The following FEZ2 variants were observed in gnomAD, a reference collection of about 807,000 sequenced individuals.
FEZ2 encodes the protein fasciculation and elongation protein zeta-2.
In FEZ2, 51 loss-of-function variants were observed where a neutral mutation model predicts 40.4. The observed-to-expected ratio is 1.26, with a 90% CI of 1.01 to 1.59. FEZ2 has a LOEUF of 1.59. Ranked by LOEUF, FEZ2 falls within the 40% of genes most tolerant of loss-of-function variation. FEZ2 has a pLI of 0.00. For missense variants in FEZ2, 640 were observed against 438.3 expected (o/e 1.46, Z -4.11); for synonymous variants, 242 against 172.0 (o/e 1.41, Z -3.18).
intron 1 of FEZ2, among the ~76,000 whole-genome samples, 158 bp downstream of exon 1, chr2:36,597,719 G>C (rs1452349356): frequency 6.6e-6 from 1 of 152,194 alleles, no homozygotes; most frequent in East Asian, 1.9e-4. Context: ...ATTGCTGGGC[G>C]AGCCGAGGCC....
At chr2:36,565,043 G>C (rs1233547054) in intron 5 of FEZ2, among the ~76,000 whole-genome samples, 1 of 152,132 alleles carries the variant, frequency 6.6e-6, no homozygotes, top group Non-Finnish European at 1.5e-5. Flanking sequence ...ACCTCCCTTT[G>C]GGGAAGGGGC....
At chr2:36,565,653 T>G (rs771747190) in intron 5 of FEZ2, among the ~76,000 whole-genome samples, 1 of 152,180 alleles carries the variant, frequency 6.6e-6, no homozygotes, top group African/African-American at 2.4e-5. Flanking sequence ...TAGTAATATA[T>G]GTCCACCTTG....
At chr2:36,553,498 C>CA (rs1376306342) in intron 7 of FEZ2, among the ~76,000 whole-genome samples, 2 of 152,100 alleles carry the variant, frequency 1.3e-5, no homozygotes, top group Admixed American at 1.3e-4. Flanking sequence ...CTAGGGAAGT[C>CA]AAAGAAGGGT....
chr2:36,573,207 G>A (rs542841850), intron 5 of FEZ2, among the ~76,000 whole-genome samples: 1 of 152,238 alleles, frequency 6.6e-6, no homozygotes, highest in South Asian at 2.1e-4. Flanking sequence ...AACCTTACAT[G>A]TGACATTCAA....
At chr2:36,594,013 AG>A (rs1351340677) in intron 1 of FEZ2, among the ~76,000 whole-genome samples, 1 of 151,982 alleles carries the variant, frequency 6.6e-6, no homozygotes, top group Non-Finnish European at 1.5e-5. Flanking sequence ...TCAAGTTCAA[AG>A]TTCCACAAAT....
intron 2 of FEZ2, among the ~76,000 whole-genome samples, chr2:36,587,330 G>C (rs1451996182): frequency 6.6e-6 from 1 of 152,178 alleles, no homozygotes; most frequent in Non-Finnish European, 1.5e-5. Flanking sequence ...AGCCCTGGCT[G>C]TCATGGGTAT....
chr2:36,578,930 T>A, intron 4 of FEZ2, 65 bp from the exon 5 acceptor site: 1 of 1,379,604 alleles, frequency 7.2e-7, no homozygotes, highest in Middle Eastern at 1.8e-4. Context: ...CAAAACAGAG[T>A]AGTCACTAGG....
At chr2:36,581,528 C>T (rs1668747899) in intron 3 of FEZ2, 97 bp from the exon 4 acceptor site, 1 of 1,045,018 alleles carries the variant, frequency 9.6e-7, no homozygotes, top group Admixed American at 2.1e-5. Flanking sequence ...AGCAGAAATG[C>T]ACTGAATTCT....
In FEZ2 at chr2:36,553,160, G is replaced by T; in HGVS notation, c.*3C>A. The T allele has an allele frequency of 6.4e-7, 1 of 1,566,006 alleles. No homozygotes were observed. The highest frequency in any genetic ancestry group is 8.7e-7 in the Non-Finnish European group (1 of 1,153,470). On this transcript the variant is annotated 3_prime_UTR_variant, in exon 8 of 8. Transcript: ENST00000405912. ...GGAGCCCACCGCAGATAAAGTTGCT[G>T]CTCTATGTAGGACACAGAACTAGAA...
At position 36,558,095 on chromosome 2, in the gene FEZ2, T is replaced by C. The variant is rs562721423; in HGVS notation, c.979+343A>G. 233 of 163,628 alleles carry C rather than the reference T, an allele frequency of 1.4e-3. No homozygotes were observed. The Middle Eastern group carries it at 0.015, about 10-fold the overall frequency. The allele number at this position is 163,628 out of a possible 1,614,324, so 10.1% of individuals were successfully genotyped here. A position where few individuals can be genotyped will look rare whatever the true frequency, so the allele number is the denominator to read the frequency against. On this transcript the variant is annotated intron_variant, in intron 6 of 7. Transcript: ENST00000405912. ...TTTCCTATTCAGTTACTGACAATCATAGATATATAAGATCCATAAGGAATT... is the reference window on the plus strand; with the variant it reads ...TTTCCTATTCAGTTACTGACAATCACAGATATATAAGATCCATAAGGAATT...
chr2:36,555,737 T>A lies in FEZ2; in HGVS notation c.991A>T (p.Met331Leu). 1 of 1,584,508 alleles carries A rather than the reference T, an allele frequency of 6.3e-7. No homozygotes were observed. The highest frequency in any genetic ancestry group is 8.6e-7 in the Non-Finnish European group (1 of 1,166,470). The part of the protein sequence containing the change: ...LQILTKILRA[M>L]KEDSEKVPSL... ...GGAACTTTTTCACTGTCCTCCTTCA[T>A]GGCACGAAGAACTGCAAAATAGAAG... The change falls in exon 7 of 8, where the codon ATG (methionine) becomes TTG (leucine). Residue 331 changes from methionine to leucine, a missense_variant. Coordinates refer to ENST00000405912, the MANE Select transcript of FEZ2 (RefSeq NM_005102.3).
intron 2 of FEZ2, among the ~76,000 whole-genome samples, chr2:36,584,624 A>G (rs1056983304): frequency 6.6e-6 from 1 of 152,252 alleles, no homozygotes; most frequent in African/African-American, 2.4e-5. Flanking sequence ...TAAATGGGCA[A>G]CAAGGATTAC....
rs563731054 is a variant in FEZ2 at position 36,567,357 on chromosome 2, G to C, written c.904-8844C>G. On this transcript the variant is annotated intron_variant, in intron 5 of 7. Coordinates refer to ENST00000405912, the MANE Select transcript of FEZ2 (RefSeq NM_005102.3). ...TTATTTTTCAGAAGAGTGAACAACG[G>C]AGTTCTGGAAAAGTCCACTGAAGAA... 6.5e-4 allele frequency among the ~76,000 whole-genome samples: 99 copies of C among 152,250 alleles called. 1 individual carries two copies. Among genetic ancestry groups the C allele is most frequent in the African/African-American group, 2.3e-3 (97 of 41,552 alleles).
Position 36,598,009 on chromosome 2 carries a change from T to G in FEZ2, c.134A>C (p.Asp45Ala). 1 of 1,495,448 alleles carries G rather than the reference T, an allele frequency of 6.7e-7. No individual in the cohort carries two copies. Among genetic ancestry groups the G allele is most frequent in the African/African-American group, 1.5e-5 (1 of 68,912 alleles). 92.6% of individuals were successfully genotyped at this position (1,495,448 alleles called of 1,614,324 possible). A position where few individuals can be genotyped will look rare whatever the true frequency, so the allele number is the denominator to read the frequency against. Residue 45 changes from aspartate to alanine, a missense_variant, in exon 1 of 8, where the codon GAC (aspartate) becomes GCC (alanine). Transcript: ENST00000405912. ...GCTGCAGGCCGGGGCCGGGAAACCG[T>G]CGGCGCCCCCACCCGCCTCGGCCCC... is the stretch of plus-strand genomic sequence containing the variant. Reference protein sequence around the residue: ...EAGAEAGGGADGFPAPACSLE... With the variant: ...EAGAEAGGGAAGFPAPACSLE...
chr2:36,566,816 C>T lies in FEZ2; in HGVS notation c.904-8303G>A, dbSNP rs36124334. ...TTTACTGCCAAGGCCTGTTACCTCA[C>T]CTGTAAAACAGATGATTAAATCATA... On this transcript the variant is annotated intron_variant, in intron 5 of 7. Transcript: ENST00000405912. Among the ~76,000 whole-genome samples the T allele has an allele frequency of 4.2e-3, 640 of 152,328 alleles. 3 individuals are homozygous for T. Among genetic ancestry groups the T allele is most frequent in the Middle Eastern group, 0.01 (3 of 294 alleles).
chr2:36,593,764 T>C (rs1247546747), intron 1 of FEZ2, among the ~76,000 whole-genome samples: 3 of 152,034 alleles, frequency 2.0e-5, no homozygotes, highest in African/African-American at 2.4e-5. Flanking sequence ...ATTTTCCCCA[T>C]GGTCGTGGGG....
At chr2:36,581,993 A>T (rs1187864781) in intron 3 of FEZ2, among the ~76,000 whole-genome samples, 2 of 152,188 alleles carry the variant, frequency 1.3e-5, no homozygotes, top group Admixed American at 1.3e-4. Flanking sequence ...GGGATTTTTT[A>T]AATTACTCAA....
rs376381258 is a variant in FEZ2 at position 36,580,472 on chromosome 2, C to T, written c.634+818G>A. 2.0e-5 allele frequency among the ~76,000 whole-genome samples: 3 copies of T among 152,344 alleles called. No homozygotes were observed. In the East Asian group the frequency reaches 5.8e-4, roughly 29 times the overall value. ...AGTCATATGGCAATGATTAGATACA[C>T]ACCTTCCAACCAGCCTCAGGCTGTT... On this transcript the variant is annotated intron_variant, in intron 4 of 7. Transcript: ENST00000405912.
At chr2:36,578,268 C>A (rs1168767441) in intron 5 of FEZ2, among the ~76,000 whole-genome samples, 2 of 152,238 alleles carry the variant, frequency 1.3e-5, no homozygotes, top group African/African-American at 2.4e-5. Flanking sequence ...CATAACCACT[C>A]TTCACATTTT....
Sources: gnomAD v4.1 joint callset for allele counts (sites outside exome capture counted in the v4.1 genomes callset) on GRCh38, gnomAD v4.1.1 for gene constraint, MANE v1.5 for transcripts, NCBI Gene and HGNC (gene_info 2026-07-23, HGNC 2026-07-21) for gene names.